EFL1: variants seen among roughly 807,000 people sequenced by gnomAD.
The protein encoded by EFL1 is elongation factor like GTPase 1, also known as elongation factor-like GTPase 1.
EFL1 carries 76 observed loss-of-function variants against 126.7 expected under a neutral mutation model. The observed-to-expected ratio is 0.60, with a 90% CI of 0.50 to 0.73. The LOEUF is 0.73. Among genes scored for constraint, EFL1 ranks in the 30% least tolerant of loss-of-function variants. EFL1 has a pLI of 0.00. For synonymous variants in EFL1, 410 were observed against 448.4 expected, an observed-to-expected ratio of 0.91 and a Z score of 1.08; for missense variants, 1,128 against 1,343.2, an observed-to-expected ratio of 0.84 and a Z score of 2.50.
intron 8 of EFL1, among the ~76,000 whole-genome samples, chr15:82,229,410 A>C (rs1233980934): frequency 1.3e-5 from 2 of 152,180 alleles, no homozygotes; most frequent in Non-Finnish European, 2.9e-5. Flanking sequence ...CAAGAGCTAA[A>C]ACTTCACTCT....
intron 14 of EFL1, among the ~76,000 whole-genome samples, chr15:82,216,320 C>T (rs2141298321): frequency 6.6e-6 from 1 of 152,218 alleles, no homozygotes; most frequent in African/African-American, 2.4e-5. Flanking sequence ...GGTGTATGGA[C>T]ATAAAGTAAT....
chr15:82,142,068 T>G (rs1157359056), intron 18 of EFL1, among the ~76,000 whole-genome samples: 1 of 152,238 alleles, frequency 6.6e-6, no homozygotes, highest in African/African-American at 2.4e-5. Flanking sequence ...ACCCTAAATG[T>G]GCCATTGTCA....
chr15:82,200,398 C>T (rs982447529), intron 15 of EFL1, among the ~76,000 whole-genome samples: 2 of 152,152 alleles, frequency 1.3e-5, no homozygotes, highest in Non-Finnish European at 2.9e-5. Context: ...GTCTTGCCTT[C>T]CCTTGGCAGC....
At chr15:82,262,071 T>C (rs1039624671) in intron 1 of EFL1, 3 of 310,472 alleles carry the variant, frequency 9.7e-6, no homozygotes, top group African/African-American at 6.4e-5. Context: ...GGGTGCACAG[T>C]GACACCAGTA....
In EFL1 at chr15:82,187,499, C is replaced by T. The variant is rs547616946; in HGVS notation, c.1751-23515G>A. Among the ~76,000 whole-genome samples, 7 of 152,186 alleles carry T rather than the reference C, an allele frequency of 4.6e-5. No individual in the cohort carries two copies. In the South Asian group the frequency reaches 1.5e-3, roughly 32 times the overall value. On this transcript the variant is annotated intron_variant, in intron 15 of 19. Transcript: ENST00000268206. ...TTTGGTCAGAAAATAATAGCTTGTG[C>T]ACATTATATTTTGGAGATTTTATTA...
intron 14 of EFL1, among the ~76,000 whole-genome samples, chr15:82,219,244 C>G (rs1056766955): frequency 6.6e-6 from 1 of 152,226 alleles, no homozygotes; most frequent in African/African-American, 2.4e-5. Context: ...GTGTGCCATG[C>G]AACTCCTGCC....
At chr15:82,197,941 A>G (rs1203496588) in intron 15 of EFL1, among the ~76,000 whole-genome samples, 1 of 152,160 alleles carries the variant, frequency 6.6e-6, no homozygotes, top group Non-Finnish European at 1.5e-5. Context: ...TGGGCTAGGC[A>G]GGGGGATATA....
intron 7 of EFL1, among the ~76,000 whole-genome samples, chr15:82,236,589 C>T (rs1306449211): frequency 6.6e-6 from 1 of 152,164 alleles, no homozygotes; most frequent in Non-Finnish European, 1.5e-5. Flanking sequence ...TTCAACAAAG[C>T]GTTCTAGACT....
chr15:82,211,732 C>T (rs2074593066), intron 15 of EFL1, among the ~76,000 whole-genome samples: 1 of 152,046 alleles, frequency 6.6e-6, no homozygotes, highest in African/African-American at 2.4e-5. Context: ...ATACGCTACA[C>T]ATTTTTAATC....
chr15:82,173,803 G>A (rs1282577883), intron 15 of EFL1, among the ~76,000 whole-genome samples: 1 of 152,060 alleles, frequency 6.6e-6, no homozygotes, highest in African/African-American at 2.4e-5. Flanking sequence ...GGGGTTAAAG[G>A]TCATTTTCAT....
intron 6 of EFL1, 53 bp from the exon 7 acceptor site, chr15:82,238,574 C>T (rs2074898223): frequency 2.1e-6 from 3 of 1,443,744 alleles, no homozygotes; most frequent in East Asian, 2.4e-5. Context: ...AGCATGCTCA[C>T]GGCAGGAGAA....
At chr15:82,260,542 G>A (rs1261226596) in intron 2 of EFL1, among the ~76,000 whole-genome samples, 1 of 152,062 alleles carries the variant, frequency 6.6e-6, no homozygotes, top group African/African-American at 2.4e-5. Context: ...TCCCCCAAAG[G>A]CTCCCTACTG....
At chr15:82,164,326 T>A (rs2074055622) in intron 15 of EFL1, among the ~76,000 whole-genome samples, 1 of 152,198 alleles carries the variant, frequency 6.6e-6, no homozygotes, top group Non-Finnish European at 1.5e-5. Flanking sequence ...TTTTTAAAAA[T>A]ATATTAATTT....
intron 15 of EFL1, among the ~76,000 whole-genome samples, chr15:82,195,132 G>T (rs1372334330): frequency 6.6e-6 from 1 of 152,044 alleles, no homozygotes; most frequent in African/African-American, 2.4e-5. Flanking sequence ...AATGAACTTG[G>T]TTTCGGTTAT....
intron 15 of EFL1, among the ~76,000 whole-genome samples, chr15:82,179,805 G>T (rs190208675): frequency 1.4e-3 from 169 of 120,994 alleles, no homozygotes; most frequent in Non-Finnish European, 2.2e-3. Context: ...TATATGGCTG[G>T]GTATGCACAG....
chr15:82,252,467 G>A (rs2075031163), intron 4 of EFL1, among the ~76,000 whole-genome samples: 1 of 152,176 alleles, frequency 6.6e-6, no homozygotes, highest in East Asian at 1.9e-4. Flanking sequence ...CCTGGTGGAG[G>A]GGGCAGGTGT....
chr15:82,207,307 T>TACATAC (rs2074535922), intron 15 of EFL1, among the ~76,000 whole-genome samples: 2 of 145,418 alleles, frequency 1.4e-5, no homozygotes, highest in African/African-American at 5.1e-5. Flanking sequence ...TATATATATA[T>TACATAC]ACACACACAC....
chr15:82,164,315 G>A (rs369380623), intron 15 of EFL1, among the ~76,000 whole-genome samples: 21 of 152,220 alleles, frequency 1.4e-4, no homozygotes, highest in African/African-American at 5.1e-4. Context: ...CACTTAGTTG[G>A]TTTTTAAAAA....
chr15:82,141,604 G>A (rs766783522), intron 18 of EFL1, among the ~76,000 whole-genome samples: 3 of 151,412 alleles, frequency 2.0e-5, no homozygotes, highest in Admixed American at 1.3e-4. Flanking sequence ...AACTTGGGAG[G>A]TGGAGATTGC....
Sources: allele counts gnomAD v4.1 joint callset (sites outside exome capture counted in the v4.1 genomes callset), GRCh38; gene constraint gnomAD v4.1.1; transcripts MANE v1.5; gene names NCBI Gene and HGNC (gene_info 2026-07-23, HGNC 2026-07-21).